HGD: variants seen among roughly 807,000 people sequenced by gnomAD.
HGD encodes homogentisate 1,2-dioxygenase.
A neutral mutation model predicts 60.8 loss-of-function variants in HGD; 61 were observed. That is an observed-to-expected ratio of 1.00 (90% CI 0.82 to 1.24). The LOEUF (loss-of-function observed/expected upper bound fraction) is 1.24, where lower values mean the gene tolerates loss of function less well. Ranked by LOEUF, HGD falls within the 50% of genes most tolerant of loss-of-function variation. HGD has a pLI of 0.00. For synonymous variants in HGD, 212 were observed against 187.7 expected (o/e 1.13, Z -1.06); for missense variants, 542 against 547.1 (o/e 0.99, Z 0.09).
At chr3:120,662,798 T>C (rs979415734) in intron 4 of HGD, among the ~76,000 whole-genome samples, 3 of 152,164 alleles carry the variant, frequency 2.0e-5, no homozygotes, top group Non-Finnish European at 4.4e-5. Flanking sequence ...ATGGGCTAGA[T>C]TGTGTTCCTC....
chr3:120,682,018 C>T lies in HGD; in HGVS notation c.15+79G>A, dbSNP rs1330572901. The T allele has an allele frequency of 2.2e-6, 3 of 1,367,956 alleles. No homozygotes were observed. In the East Asian group the frequency reaches 6.9e-5, roughly 31 times the overall value. The allele number at this position is 1,367,956 out of a possible 1,614,324, so 84.7% of individuals were successfully genotyped here. A position where few individuals can be genotyped will look rare whatever the true frequency, so the allele number is the denominator to read the frequency against. ...GGGCCTCTCTAAGTCTTTTCCAACT[C>T]TGATACCCTGAAGTTCTCAGAAACT... On this transcript the variant is annotated intron_variant, in intron 1 of 13. Transcript: ENST00000283871.
chr3:120,630,578 A>G (rs928291285), intron 13 of HGD, among the ~76,000 whole-genome samples: 1 of 152,064 alleles, frequency 6.6e-6, no homozygotes, highest in Non-Finnish European at 1.5e-5. Context: ...TCATAAGCAG[A>G]AGATTTAAAC....
chr3:120,660,492 T>C (rs1422818787), intron 4 of HGD, among the ~76,000 whole-genome samples: 1 of 152,166 alleles, frequency 6.6e-6, no homozygotes, highest in Non-Finnish European at 1.5e-5. Context: ...GGCAAGAATA[T>C]AGATAATGAG....
At chr3:120,638,754 G>A (rs564177323) in intron 11 of HGD, among the ~76,000 whole-genome samples, 173 bp from the exon 12 acceptor site, 1 of 152,156 alleles carries the variant, frequency 6.6e-6, no homozygotes, top group South Asian at 2.1e-4. Flanking sequence ...TGTTACATGG[G>A]TATATTGTGT....
intron 9 of HGD, among the ~76,000 whole-genome samples, chr3:120,645,183 T>G (rs1163961241): frequency 3.3e-5 from 5 of 152,324 alleles, no homozygotes; most frequent in South Asian, 2.1e-4. Context: ...AGAGGGTACA[T>G]GTTCCACGGA....
intron 5 of HGD, among the ~76,000 whole-genome samples, chr3:120,651,748 C>G (rs1363628536): frequency 6.6e-6 from 1 of 152,164 alleles, no homozygotes; most frequent in Non-Finnish European, 1.5e-5. Flanking sequence ...TCCTCTCCCC[C>G]AGATACTCCT....
chr3:120,633,524 C>G, intron 12 of HGD, 196 bp from the exon 13 acceptor site: 1 of 1,501,786 alleles, frequency 6.7e-7, no homozygotes, highest in South Asian at 1.2e-5. Flanking sequence ...AGGCACAGCT[C>G]TACTCCATGG....
At chr3:120,639,600 T>G (rs1940903522) in intron 11 of HGD, among the ~76,000 whole-genome samples, 1 of 152,188 alleles carries the variant, frequency 6.6e-6, no homozygotes, top group African/African-American at 2.4e-5. Context: ...CAGATCAAGT[T>G]GACTAGAGCT....
At chr3:120,632,086 C>T (rs140153252) in intron 13 of HGD, among the ~76,000 whole-genome samples, 2,278 of 152,250 alleles carry the variant, frequency 0.015, 64 homozygotes, top group African/African-American at 0.051. Context: ...TCTACAGAAA[C>T]TCCATAGAGG....
chr3:120,633,170 C>T lies in HGD; in HGVS notation c.1165G>A (p.Glu389Lys), dbSNP rs1459190248. The change falls in exon 13 of 14, where the codon GAG becomes AAG. Residue 389 changes from glutamate (E) to lysine (K), a missense_variant. Coordinates refer to ENST00000283871, the MANE Select transcript of HGD (RefSeq NM_000187.4). ...EKASKVKLAP[E>K]RIADGTMAFM... ...ACCATGGTGCCATCGGCAATCCTCT[C>T]AGGTGCCAGCTTGACCTTGCTGGCC... 1.2e-6 allele frequency: 2 copies of T among 1,614,012 alleles called. No individual in the cohort carries two copies. Among genetic ancestry groups the T allele is most frequent in the East Asian group, 4.5e-5 (2 of 44,892 alleles).
intron 12 of HGD, 76 bp downstream of exon 12, chr3:120,638,379 T>C: frequency 1.3e-6 from 2 of 1,572,632 alleles, no homozygotes; most frequent in Non-Finnish European, 1.7e-6. Context: ...ACCCAGGCAT[T>C]ATTCCCAATG....
At chr3:120,673,537 G>A (rs1338080815) in intron 3 of HGD, among the ~76,000 whole-genome samples, 1 of 152,148 alleles carries the variant, frequency 6.6e-6, no homozygotes, top group Non-Finnish European at 1.5e-5. Flanking sequence ...ATTAAATAGT[G>A]AAGGAATTAT....
intron 4 of HGD, among the ~76,000 whole-genome samples, chr3:120,666,965 C>A (rs1707912234): frequency 6.6e-6 from 1 of 152,076 alleles, no homozygotes; most frequent in Non-Finnish European, 1.5e-5. Flanking sequence ...TGGGAGACGT[C>A]CAGTAATATT....
chr3:120,631,752 T>A (rs1204416895), intron 13 of HGD, among the ~76,000 whole-genome samples: 1 of 152,200 alleles, frequency 6.6e-6, no homozygotes, highest in Non-Finnish European at 1.5e-5. Flanking sequence ...TGAGGACGAC[T>A]GAAAGTTAGG....
intron 11 of HGD, 55 bp downstream of exon 11, chr3:120,641,534 C>A: frequency 9.5e-7 from 1 of 1,057,004 alleles, no homozygotes; most frequent in South Asian, 1.2e-5. Context: ...CTACTGTGGA[C>A]CCCTCCCACC....
At chr3:120,660,577 C>CGTGAGGGATT (rs1941630863) in intron 4 of HGD, among the ~76,000 whole-genome samples, 1 of 152,190 alleles carries the variant, frequency 6.6e-6, no homozygotes, top group South Asian at 2.1e-4. Context: ...GTAATCCCAG[C>CGTGAGGGATT]ACTTTGGGAG....
rs755734596 is a variant in HGD, at chr3:120,650,865, C to G, written c.343G>C (p.Gly115Arg). 4.5e-5 allele frequency: 73 copies of G among 1,612,046 alleles called. No homozygotes were observed. The highest frequency in any genetic ancestry group is 6.2e-5 in the Non-Finnish European group (73 of 1,178,184). ...CCAGCTCCACACAAGGTATGCAGGC[C>G]CTGGGAGAGACCCACAGAAGAGGGA... The part of the protein sequence containing the change: ...ASQKKVDFVS[G>R]LHTLCGAGDI... The change falls in exon 6 of 14, where the codon GGC (glycine) becomes CGC (arginine). Residue 115 changes from glycine (G) to arginine (R), a missense_variant and splice_region_variant. Around this residue, in one of 2 missense-constraint regions of HGD, gnomAD observed 537 missense variants for 529.1 expected, o/e 1.01. Coordinates refer to ENST00000283871, the MANE Select transcript of HGD (RefSeq NM_000187.4).
chr3:120,660,599 C>T (rs1011788709), intron 4 of HGD, among the ~76,000 whole-genome samples: 1 of 152,090 alleles, frequency 6.6e-6, no homozygotes, highest in African/African-American at 2.4e-5. Context: ...CCGAGGCGGC[C>T]AGATCACCTG....
intron 3 of HGD, among the ~76,000 whole-genome samples, chr3:120,672,811 T>C (rs1292799456): frequency 6.6e-6 from 1 of 152,196 alleles, no homozygotes; most frequent in African/African-American, 2.4e-5. Flanking sequence ...TGGCTTATCA[T>C]GTGTTTGTTA....
Sources: gnomAD v4.1 joint callset for allele counts (sites outside exome capture counted in the v4.1 genomes callset) on GRCh38, gnomAD v4.1.1 for gene constraint, gnomAD v4.1.1 regional missense constraint, MANE v1.5 for transcripts, NCBI Gene and HGNC (gene_info 2026-07-23, HGNC 2026-07-21) for gene names.